CEP120: variants seen among roughly 807,000 people sequenced by gnomAD.
CEP120 encodes centrosomal protein 120.
Under a neutral mutation model 126.5 loss-of-function variants are expected in CEP120, and 113 were observed. The ratio of observed to expected loss-of-function variants is 0.89; its 90% CI spans 0.77 to 1.04. The LOEUF (loss-of-function observed/expected upper bound fraction) is 1.04. CEP120 is among the 50% of genes least tolerant of loss of function. The pLI is 0.00. For missense variants in CEP120, 1,230 were observed against 1,155.7 expected (o/e 1.06, Z -0.93); for synonymous variants, 400 against 394.3 (o/e 1.01, Z -0.17).
chr5:123,370,163 A>G (rs1274490863), intron 17 of CEP120, among the ~76,000 whole-genome samples: 6 of 151,980 alleles, frequency 3.9e-5, no homozygotes, highest in Non-Finnish European at 8.8e-5. Flanking sequence ...CTGCCTTGGA[A>G]AGTTTAGAAT....
At chr5:123,358,352 TAGAAGAACCTTC>T (rs1769805293) in intron 18 of CEP120, 1 of 151,974 alleles carries the variant, frequency 6.6e-6, no homozygotes, top group African/African-American at 2.4e-5. Context: ...GTGGAAAGAG[TAGAAGAACCTTC>T]TTTGAAATGT....
intron 8 of CEP120, among the ~76,000 whole-genome samples, chr5:123,389,018 A>G (rs952091853): frequency 6.6e-6 from 1 of 152,230 alleles, no homozygotes; most frequent in African/African-American, 2.4e-5. Context: ...TTAAAATAAC[A>G]GAAAGCTAAA....
At chr5:123,395,760 C>A (rs1348461291) in intron 5 of CEP120, among the ~76,000 whole-genome samples, 2 of 149,786 alleles carry the variant, frequency 1.3e-5, no homozygotes, top group African/African-American at 4.9e-5. Flanking sequence ...CGGCTCACTG[C>A]AAGCTCCGCC....
chr5:123,421,655 A>T (rs1295101775), intron 1 of CEP120, among the ~76,000 whole-genome samples: 1 of 144,976 alleles, frequency 6.9e-6, no homozygotes, highest in Non-Finnish European at 1.5e-5. Flanking sequence ...TAAATATTAT[A>T]CCCCAACATA....
At chr5:123,421,186 G>A (rs933631822) in intron 1 of CEP120, among the ~76,000 whole-genome samples, 1 of 152,048 alleles carries the variant, frequency 6.6e-6, no homozygotes, top group East Asian at 1.9e-4. Flanking sequence ...AGGCCTATTC[G>A]CTCCAGTTGT....
In CEP120 at chr5:123,382,112, T is replaced by G; in HGVS notation, c.2102A>C (p.Lys701Thr). ...CCTCACTTTTACACAAGTTATTACC[T>G]TTTTCTTTACTAGTGATTCTCTTTC... ...DRERESLVKK[K>T]VAEYTILEGK... Residue 701 changes from lysine (K) to threonine (T), a missense_variant and splice_region_variant, in exon 14 of 20, where the codon AAG (lysine) becomes ACG (threonine). Lys to Thr is a moderately conservative substitution (Grantham distance 78). Transcript: ENST00000306467. 3 of 1,584,600 alleles carry G rather than the reference T, an allele frequency of 1.9e-6. No homozygotes were observed. Among genetic ancestry groups the G allele is most frequent in the Non-Finnish European group, 2.6e-6 (3 of 1,158,372 alleles).
chr5:123,418,302 A>C lies in CEP120; in HGVS notation c.206+57T>G, dbSNP rs1433884970. On this transcript the variant is annotated intron_variant, in intron 2 of 19. Transcript: ENST00000306467. The stretch of plus-strand genomic sequence containing the variant: ...TTAAATACTCAAACTGTATTTATTT[A>C]TAACAGCCTGAAAAATAAGAAACCA... The C allele has an allele frequency of 2.7e-6, 4 of 1,458,624 alleles. No homozygotes were observed. In the African/African-American group the frequency reaches 5.7e-5, roughly 21 times the overall value. 90.4% of individuals were successfully genotyped at this position (1,458,624 alleles called of 1,614,324 possible).
rs149909431 is a variant in CEP120, at chr5:123,418,373, C to A, written c.192G>T (p.Ala64=). The change falls in exon 2 of 20, where the codon GCG becomes GCT. Residue 64 remains alanine, a synonymous_variant. Transcript: ENST00000306467. ...TELAWEIDRK[A]LHQHRLQRTP... ...ATGATAATCACCTGTGCTGATGAAG[C>A]GCTTTCCTGTCAATTTCCCAAGCTA... 70 of 1,602,358 alleles carry A rather than the reference C, an allele frequency of 4.4e-5. 1 individual carries two copies. In the Middle Eastern group the frequency reaches 1.0e-3, roughly 23 times the overall value.
intron 18 of CEP120, among the ~76,000 whole-genome samples, chr5:123,361,059 GAAAATGCCCTAACCAATAGCTA>G (rs1377916398): frequency 1.3e-4 from 19 of 151,702 alleles, no homozygotes; most frequent in African/African-American, 4.3e-4. Flanking sequence ...ATTCTCCAGA[GAAAATGCCCTAACCAATAGCTA>G]ACACTGTTCC....
At chr5:123,397,163 A>C (rs1244403723) in intron 5 of CEP120, among the ~76,000 whole-genome samples, 2 of 152,052 alleles carry the variant, frequency 1.3e-5, no homozygotes, top group Non-Finnish European at 2.9e-5. Flanking sequence ...ATCTCTACTA[A>C]AACTATAAAA....
intron 2 of CEP120, among the ~76,000 whole-genome samples, chr5:123,416,812 T>C (rs1025150468): frequency 2.0e-5 from 3 of 152,062 alleles, no homozygotes; most frequent in Non-Finnish European, 4.4e-5. Flanking sequence ...TACTGTAACA[T>C]ACATAAAATT....
intron 16 of CEP120, 80 bp downstream of exon 16, chr5:123,377,294 T>A: frequency 7.5e-7 from 1 of 1,326,436 alleles, no homozygotes; most frequent in South Asian, 1.3e-5. Flanking sequence ...TACCACTTTT[T>A]AGTAGTTAGT....
chr5:123,378,566 A>T (rs1771426485), intron 14 of CEP120, 138 bp from the exon 15 acceptor site: 1 of 488,102 alleles, frequency 2.0e-6, no homozygotes, highest in Non-Finnish European at 3.5e-6. Flanking sequence ...ACATCCGCCA[A>T]TTCAAAGAAA....
At chr5:123,368,625 G>GA (rs1425006450) in intron 17 of CEP120, among the ~76,000 whole-genome samples, 3 of 151,946 alleles carry the variant, frequency 2.0e-5, no homozygotes, top group African/African-American at 7.2e-5. Flanking sequence ...AACACTACAT[G>GA]AAAAATATAT....
chr5:123,356,660 A>G (rs2407776), intron 18 of CEP120, among the ~76,000 whole-genome samples: 108,452 of 151,798 alleles, frequency 0.71, 38,882 homozygotes, highest in African/African-American at 0.75. Context: ...AATCATTTTT[A>G]ACTCTTTTTT....
intron 6 of CEP120, among the ~76,000 whole-genome samples, chr5:123,393,043 AG>A (rs1772511314): frequency 6.6e-6 from 1 of 152,048 alleles, no homozygotes; most frequent in Non-Finnish European, 1.5e-5. Flanking sequence ...TTTATTGCAA[AG>A]GACTGATAAC....
intron 5 of CEP120, among the ~76,000 whole-genome samples, chr5:123,396,116 T>C (rs760318036): frequency 5.3e-5 from 8 of 152,010 alleles, no homozygotes; most frequent in Non-Finnish European, 1.2e-4. Context: ...TACAGGTGTA[T>C]GCCACACCAC....
At chr5:123,399,042 G>T in intron 5 of CEP120, 94 bp downstream of exon 5, 5 of 828,196 alleles carry the variant, frequency 6.0e-6, no homozygotes, top group Non-Finnish European at 8.4e-6. Flanking sequence ...AAAAAAAAAA[G>T]TCTACTTGCA....
rs1160429515 is a variant in CEP120, at chr5:123,346,156, G to T, written c.*363C>A. 12 of 183,250 alleles carry T rather than the reference G, an allele frequency of 6.5e-5. No individual in the cohort carries two copies. The Admixed American group carries it at 6.8e-4, about 10-fold the overall frequency. The allele number at this position is 183,250 out of a possible 1,614,324, so 11.4% of individuals were successfully genotyped here. On this transcript the variant is annotated 3_prime_UTR_variant, in exon 20 of 20. Transcript: ENST00000306467. Reference sequence around the variant, plus strand: ...AGGACGCAGCGTTTTTAAAGTGCAAGATATACTCTTTTGGCTCAACATGAA... The same window carrying T: ...AGGACGCAGCGTTTTTAAAGTGCAATATATACTCTTTTGGCTCAACATGAA...
Sources: allele counts gnomAD v4.1 joint callset (sites outside exome capture counted in the v4.1 genomes callset), GRCh38; gene constraint gnomAD v4.1.1; transcripts MANE v1.5; gene names NCBI Gene and HGNC (gene_info 2026-07-23, HGNC 2026-07-21).